Variants in CAMKMT observed in about 807,000 individuals in gnomAD.
CAMKMT encodes CaM KMT.
A neutral mutation model predicts 48.0 loss-of-function variants in CAMKMT; 53 were observed. The observed-to-expected ratio is 1.10, with a 90% CI of 0.89 to 1.39. The LOEUF is 1.39. Among genes scored for constraint, CAMKMT ranks in the 40% most tolerant of loss-of-function variants. The pLI, the probability that CAMKMT is intolerant of heterozygous loss-of-function variation, is 0.00. For missense variants in CAMKMT, 428 were observed against 402.7 expected, an observed-to-expected ratio of 1.06 and a Z score of -0.54; for synonymous variants, 165 against 152.3, an observed-to-expected ratio of 1.08 and a Z score of -0.61.
intron 3 of CAMKMT, among the ~76,000 whole-genome samples, chr2:44,492,058 T>C (rs956322650): frequency 1.3e-5 from 2 of 152,202 alleles, no homozygotes; most frequent in Admixed American, 6.5e-5. Context: ...ATCTTAGTTA[T>C]GATTTTATTG....
chr2:44,729,596 G>A (rs1014803518), intron 7 of CAMKMT, among the ~76,000 whole-genome samples: 1 of 152,184 alleles, frequency 6.6e-6, no homozygotes, highest in Non-Finnish European at 1.5e-5. Flanking sequence ...TATCATCAGG[G>A]CAGGTGAAGC....
intron 3 of CAMKMT, among the ~76,000 whole-genome samples, chr2:44,427,678 T>A (rs879763310): frequency 5.3e-5 from 8 of 150,876 alleles, no homozygotes; most frequent in Non-Finnish European, 1.0e-4. Flanking sequence ...TGTATATGTA[T>A]TTTTTTTTAG....
At chr2:44,602,000 A>ATT (rs1193175695) in intron 3 of CAMKMT, among the ~76,000 whole-genome samples, 5 of 95,612 alleles carry the variant, frequency 5.2e-5, no homozygotes, top group Admixed American at 1.3e-4. Context: ...CTTTTTAAAA[A>ATT]TATATTTATT....
chr2:44,598,508 T>C (rs1288519088), intron 3 of CAMKMT, among the ~76,000 whole-genome samples: 3 of 151,630 alleles, frequency 2.0e-5, no homozygotes, highest in South Asian at 2.1e-4. Flanking sequence ...GGAATTAGCA[T>C]TGTCCTCTTC....
At chr2:44,483,228 G>T (rs786405) in intron 3 of CAMKMT, among the ~76,000 whole-genome samples, 113,874 of 152,090 alleles carry the variant, frequency 0.75, 43,358 homozygotes, top group African/African-American at 0.83. Flanking sequence ...AAATTTAGCT[G>T]CCTTAACATT....
At chr2:44,559,044 C>CTA (rs1374486547) in intron 3 of CAMKMT, among the ~76,000 whole-genome samples, 4 of 152,114 alleles carry the variant, frequency 2.6e-5, no homozygotes, top group African/African-American at 4.8e-5. Context: ...AACTATCTAT[C>CTA]TATCATCTAT....
chr2:44,489,662 A>T (rs1049212966), intron 3 of CAMKMT, among the ~76,000 whole-genome samples: 1 of 152,216 alleles, frequency 6.6e-6, no homozygotes, highest in African/African-American at 2.4e-5. Context: ...TTGCAAACTA[A>T]TTGCCGTGAG....
chr2:44,561,478 T>C (rs1017400141), intron 3 of CAMKMT, among the ~76,000 whole-genome samples: 1 of 152,248 alleles, frequency 6.6e-6, no homozygotes, highest in Non-Finnish European at 1.5e-5. Context: ...TAAATAAGCA[T>C]GTGACTTTCT....
chr2:44,758,333 C>T (rs1680469101), intron 9 of CAMKMT, among the ~76,000 whole-genome samples: 1 of 152,146 alleles, frequency 6.6e-6, no homozygotes, highest in Non-Finnish European at 1.5e-5. Context: ...CCAGAGAGAC[C>T]TTAGCCACCA....
intron 3 of CAMKMT, among the ~76,000 whole-genome samples, chr2:44,437,015 C>A (rs1666303946): frequency 6.6e-6 from 1 of 151,944 alleles, no homozygotes; most frequent in Non-Finnish European, 1.5e-5. Flanking sequence ...TATAACATAC[C>A]ATTTTAGTTT....
chr2:44,446,825 T>A (rs1667028386), intron 3 of CAMKMT, among the ~76,000 whole-genome samples: 1 of 152,248 alleles, frequency 6.6e-6, no homozygotes, highest in Admixed American at 6.5e-5. Context: ...GAAGTTTATC[T>A]TCTGTCATTC....
intron 3 of CAMKMT, among the ~76,000 whole-genome samples, chr2:44,662,178 A>C (rs1674714447): frequency 6.6e-6 from 1 of 152,202 alleles, no homozygotes; most frequent in Admixed American, 6.5e-5. Context: ...TCTCATCTCC[A>C]GCCTCAGCTC....
At chr2:44,432,008 T>TG (rs966312720) in intron 3 of CAMKMT, among the ~76,000 whole-genome samples, 70 of 152,336 alleles carry the variant, frequency 4.6e-4, no homozygotes, top group African/African-American at 1.5e-3. Context: ...ACTGTGGTCC[T>TG]GGGTCCAAAA....
chr2:44,740,124 ATTTTT>A (rs753300790), intron 7 of CAMKMT, among the ~76,000 whole-genome samples: 3 of 120,194 alleles, frequency 2.5e-5, no homozygotes, highest in East Asian at 2.4e-4. Flanking sequence ...TGATTGCTGC[ATTTTT>A]TTTTTTTTTT....
chr2:44,448,159 C>T (rs185662130), intron 3 of CAMKMT, among the ~76,000 whole-genome samples: 1 of 152,148 alleles, frequency 6.6e-6, no homozygotes, highest in African/African-American at 2.4e-5. Context: ...CACACACAGT[C>T]ACATCTGAAA....
At chr2:44,428,793 T>C (rs1684447123) in intron 3 of CAMKMT, among the ~76,000 whole-genome samples, 1 of 152,194 alleles carries the variant, frequency 6.6e-6, no homozygotes, top group Non-Finnish European at 1.5e-5. Context: ...TTCCACCAGA[T>C]ACAACTCCAA....
intron 3 of CAMKMT, among the ~76,000 whole-genome samples, chr2:44,398,441 G>C (rs936659481): frequency 6.6e-6 from 1 of 152,154 alleles, no homozygotes; most frequent in African/African-American, 2.4e-5. Flanking sequence ...CAAGGTAGTT[G>C]ACAATCTAAT....
intron 7 of CAMKMT, among the ~76,000 whole-genome samples, chr2:44,741,019 G>A (rs1679648154): frequency 6.6e-6 from 1 of 152,188 alleles, no homozygotes; most frequent in Non-Finnish European, 1.5e-5. Flanking sequence ...ATGGACTGGT[G>A]CCAGTCTGTG....
At chr2:44,510,845 C>G (rs989282980) in intron 3 of CAMKMT, among the ~76,000 whole-genome samples, 2 of 151,544 alleles carry the variant, frequency 1.3e-5, no homozygotes, top group Non-Finnish European at 1.5e-5. Flanking sequence ...TCCATTATAT[C>G]ACTTTTTTTT....
Sources: gnomAD v4.1 joint callset for allele counts (sites outside exome capture counted in the v4.1 genomes callset) on GRCh38, gnomAD v4.1.1 for gene constraint, MANE v1.5 for transcripts, NCBI Gene and HGNC (gene_info 2026-07-23, HGNC 2026-07-21) for gene names.